Variants in RASGEF1C observed in about 807,000 individuals in gnomAD.
RASGEF1C encodes RasGEF domain family member 1C, also known as ras-GEF domain-containing family member 1C.
A neutral mutation model predicts 58.1 loss-of-function variants in RASGEF1C; 27 were observed. The observed-to-expected ratio is 0.46, with a 90% CI of 0.34 to 0.64. The LOEUF (loss-of-function observed/expected upper bound fraction) is 0.64, where lower values mean the gene tolerates loss of function less well. RASGEF1C is among the 30% of genes least tolerant of loss of function. The pLI, the probability that RASGEF1C is intolerant of heterozygous loss-of-function variation, is 0.01. For synonymous variants in RASGEF1C, 243 were observed against 246.3 expected (o/e 0.99, Z 0.13); for missense variants, 502 against 605.1 (o/e 0.83, Z 1.79).
rs1251629011 is a variant in RASGEF1C at position 180,209,177 on chromosome 5, C to T, written c.-156G>A. The T allele has an allele frequency of 1.4e-5, 2 of 146,432 alleles. No individual in the cohort carries two copies. The highest frequency in any genetic ancestry group is 2.0e-4 in the South Asian group (1 of 5,080). The allele number at this position is 146,432 out of a possible 1,614,324, so 9.1% of individuals were successfully genotyped here. A position where few individuals can be genotyped will look rare whatever the true frequency, so the allele number is the denominator to read the frequency against. ...CGACCGCCCGGCTCCCAGCGCAGCC[C>T]GCACGAGCGCCTGGCGGCGGCCCCG... On this transcript the variant is annotated 5_prime_UTR_variant, in exon 1 of 14. Coordinates refer to ENST00000361132, the MANE Select transcript of RASGEF1C (RefSeq NM_175062.4).
intron 6 of RASGEF1C, among the ~76,000 whole-genome samples, chr5:180,126,073 A>G (rs1240039466): frequency 6.6e-6 from 1 of 150,410 alleles, no homozygotes; most frequent in Non-Finnish European, 1.5e-5. Context: ...CACAATAAAA[A>G]AGTAATATTT....
intron 1 of RASGEF1C, among the ~76,000 whole-genome samples, chr5:180,195,576 T>A (rs889386943): frequency 1.3e-5 from 2 of 151,480 alleles, no homozygotes; most frequent in South Asian, 2.1e-4. Flanking sequence ...CTGGCGAACA[T>A]GGTGAAACCC....
chr5:180,127,474 G>A, intron 6 of RASGEF1C, 135 bp downstream of exon 6: 1 of 728,268 alleles, frequency 1.4e-6, no homozygotes. Flanking sequence ...GGCGGAGTGG[G>A]CAGGGCCCCC....
intron 1 of RASGEF1C, among the ~76,000 whole-genome samples, chr5:180,172,071 T>C (rs1225201177): frequency 1.3e-5 from 2 of 152,192 alleles, no homozygotes; most frequent in African/African-American, 4.8e-5. Flanking sequence ...ATAAAAATAG[T>C]GTTTAAAAAG....
chr5:180,190,352 T>A (rs188116331), intron 1 of RASGEF1C, among the ~76,000 whole-genome samples: 4 of 151,368 alleles, frequency 2.6e-5, no homozygotes, highest in Non-Finnish European at 4.4e-5. Flanking sequence ...TAGCCGGGCG[T>A]GGTGGCGGGC....
Position 180,197,110 on chromosome 5 carries a change from G to A in RASGEF1C, c.-7+11918C>T, listed in dbSNP as rs527492171. ...CGCCTGTGGCCAGCCTGCCTCTGAT[G>A]AGCCTCCTTGGTCCCTCTGCAGCAC... On this transcript the variant is annotated intron_variant, in intron 1 of 13. Coordinates refer to ENST00000361132, the MANE Select transcript of RASGEF1C (RefSeq NM_175062.4). The surrounding 1 kb of genome is among the most constrained non-coding windows in gnomAD (Gnocchi z 4.7). Among the ~76,000 whole-genome samples the A allele has an allele frequency of 4.6e-5, 7 of 152,320 alleles. No individual in the cohort carries two copies. In the East Asian group the frequency reaches 1.4e-3, roughly 29 times the overall value.
chr5:180,182,286 G>A (rs1303448040), intron 1 of RASGEF1C, among the ~76,000 whole-genome samples: 2 of 149,322 alleles, frequency 1.3e-5, no homozygotes, highest in African/African-American at 2.5e-5. Flanking sequence ...AAGGTGGTGT[G>A]TCTGGAGTTT....
At chr5:180,151,485 T>A (rs1766744214) in intron 1 of RASGEF1C, among the ~76,000 whole-genome samples, 1 of 152,178 alleles carries the variant, frequency 6.6e-6, no homozygotes, top group Non-Finnish European at 1.5e-5. Context: ...CCCTATTTAA[T>A]AAATGGTGCT....
In RASGEF1C at chr5:180,158,831, C is replaced by T. The variant is rs1406041296; in HGVS notation, c.-6-20773G>A. On this transcript the variant is annotated intron_variant, in intron 1 of 13. Coordinates refer to ENST00000361132, the MANE Select transcript of RASGEF1C (RefSeq NM_175062.4). This position sits in a 1 kb window ranked among gnomAD's most constrained non-coding sequence, Gnocchi z 4.0. ...TGGAAAACTTTCTTAAATCATTTCACAGATGGTTTCCTCTCCTTCATTTTC... is the reference window on the plus strand; with the variant it reads ...TGGAAAACTTTCTTAAATCATTTCATAGATGGTTTCCTCTCCTTCATTTTC... 1.3e-5 allele frequency among the ~76,000 whole-genome samples: 2 copies of T among 152,124 alleles called. No homozygotes were observed. The highest frequency in any genetic ancestry group is 4.8e-5 in the African/African-American group (2 of 41,416).
Position 180,156,536 on chromosome 5 carries a change from G to A in RASGEF1C, c.-6-18478C>T. Among the ~76,000 whole-genome samples the A allele has an allele frequency of 6.6e-6, 1 of 152,192 alleles. No individual in the cohort carries two copies. The highest frequency in any genetic ancestry group is 1.9e-4 in the East Asian group (1 of 5,190). ...TGTAATCCTAGCACTTTGGGAAGCT[G>A]AGCATGCAGAGTGCTTGAGTCCAGC... is the stretch of plus-strand genomic sequence containing the variant. On this transcript the variant is annotated intron_variant, in intron 1 of 13. Coordinates refer to ENST00000361132, the MANE Select transcript of RASGEF1C (RefSeq NM_175062.4). The surrounding 1 kb of genome is among the most constrained non-coding windows in gnomAD (Gnocchi z 4.9).
chr5:180,126,900 G>A (rs1030063156), intron 6 of RASGEF1C, among the ~76,000 whole-genome samples: 18 of 152,156 alleles, frequency 1.2e-4, no homozygotes, highest in Non-Finnish European at 1.8e-4. Context: ...AAGTGGCTGC[G>A]CCAGCTTCAC....
At chr5:180,111,807 C>G (rs1188924604) in intron 11 of RASGEF1C, among the ~76,000 whole-genome samples, 2 of 152,148 alleles carry the variant, frequency 1.3e-5, no homozygotes, top group Non-Finnish European at 2.9e-5. Flanking sequence ...TTGTTATCCT[C>G]TATGTATGGC....
In RASGEF1C at chr5:180,143,490, C is replaced by T. The variant is rs1218023186; in HGVS notation, c.-6-5432G>A. Among the ~76,000 whole-genome samples, 1 of 152,238 alleles carries T rather than the reference C, an allele frequency of 6.6e-6. No homozygotes were observed. The highest frequency in any genetic ancestry group is 1.5e-5 in the Non-Finnish European group (1 of 68,040). ...GCCCCCAGCCAGTTGAAAACGTGCC[C>T]AAGGGCCCTGCTGTTCCTCCTCAGC... is the stretch of plus-strand genomic sequence containing the variant. On this transcript the variant is annotated intron_variant, in intron 1 of 13. Transcript: ENST00000361132. This position sits in a 1 kb window ranked among gnomAD's most constrained non-coding sequence, Gnocchi z 4.3.
chr5:180,119,611 G>A (rs1423654399), intron 7 of RASGEF1C, among the ~76,000 whole-genome samples, 163 bp from the exon 8 acceptor site: 2 of 152,192 alleles, frequency 1.3e-5, no homozygotes, highest in Non-Finnish European at 2.9e-5. Context: ...CATGGGCTGA[G>A]CCAGCAGAGC....
rs966936814 is a variant in RASGEF1C at position 180,155,915 on chromosome 5, C to G, written c.-6-17857G>C. On this transcript the variant is annotated intron_variant, in intron 1 of 13. Coordinates refer to ENST00000361132, the MANE Select transcript of RASGEF1C (RefSeq NM_175062.4). The surrounding 1 kb of genome is among the most constrained non-coding windows in gnomAD (Gnocchi z 5.2). ...TCCTGGCCAAGAGGGCACTGTCCCC[C>G]CCTCACTGCTGAGCAAGCAAGTGAC... Among the ~76,000 whole-genome samples the G allele has an allele frequency of 6.6e-5, 10 of 152,162 alleles. No individual in the cohort carries two copies. Among genetic ancestry groups the G allele is most frequent in the Non-Finnish European group, 1.3e-4 (9 of 68,036 alleles).
chr5:180,113,040 G>C lies in RASGEF1C; in HGVS notation c.1179+1406C>G, dbSNP rs1429252523. Among the ~76,000 whole-genome samples the C allele has an allele frequency of 1.0e-4, 13 of 129,842 alleles. 1 individual carries two copies. In the South Asian group the frequency reaches 2.5e-3, roughly 25 times the overall value. 85.2% of individuals were successfully genotyped at this position (129,842 alleles called of 152,430 possible). ...GGGACCGGGGATGGACGGAGGGACC[G>C]GGGATGGACGGAGGGATCCGGGCTG... On this transcript the variant is annotated intron_variant, in intron 11 of 13. Coordinates refer to ENST00000361132, the MANE Select transcript of RASGEF1C (RefSeq NM_175062.4).
intron 1 of RASGEF1C, among the ~76,000 whole-genome samples, chr5:180,202,862 C>T (rs902172191): frequency 1.4e-4 from 21 of 152,120 alleles, no homozygotes; most frequent in African/African-American, 4.6e-4. Context: ...GCCACCACGC[C>T]GGGCTAATTT....
chr5:180,114,320 C>T (rs1233853075), intron 11 of RASGEF1C, 126 bp downstream of exon 11: 5 of 794,118 alleles, frequency 6.3e-6, no homozygotes, highest in South Asian at 3.2e-5. Context: ...TTGCCAAGGT[C>T]GGCTGTGAAC....
At chr5:180,184,845 G>A (rs1364460856) in intron 1 of RASGEF1C, among the ~76,000 whole-genome samples, 4 of 152,188 alleles carry the variant, frequency 2.6e-5, no homozygotes, top group Non-Finnish European at 5.9e-5. Flanking sequence ...CCATAAAGAT[G>A]ATATAACCAT....
Sources: gnomAD v4.1 joint callset for allele counts (sites outside exome capture counted in the v4.1 genomes callset) on GRCh38, gnomAD v4.1.1 for gene constraint, Gnocchi (gnomAD v3.1) non-coding constraint, MANE v1.5 for transcripts, NCBI Gene and HGNC (gene_info 2026-07-23, HGNC 2026-07-21) for gene names.